The following DCLRE1C variants were observed in gnomAD, a reference collection of about 807,000 sequenced individuals.
DCLRE1C encodes protein artemis.
A neutral mutation model predicts 61.4 loss-of-function variants in DCLRE1C; 47 were observed. That is an observed-to-expected ratio of 0.77 (90% CI 0.61 to 0.98). DCLRE1C has a LOEUF of 0.98. DCLRE1C is among the 50% of genes least tolerant of loss of function. The probability of loss-of-function intolerance (pLI) is 0.00; values close to 1 mark genes in which losing one functional copy is unlikely to be tolerated. For synonymous variants in DCLRE1C, 337 were observed against 287.6 expected (o/e 1.17, Z -1.74); for missense variants, 858 against 816.0 (o/e 1.05, Z -0.63).
rs185211246 is a variant in DCLRE1C at position 14,906,187 on chromosome 10, C to G, written c.*2221G>C. 2.6e-5 allele frequency among the ~76,000 whole-genome samples: 4 copies of G among 152,290 alleles called. No individual in the cohort carries two copies. Among genetic ancestry groups the G allele is most frequent in the Admixed American group, 2.0e-4 (3 of 15,306 alleles). On this transcript the variant is annotated 3_prime_UTR_variant, in exon 14 of 14. Transcript: ENST00000378278. The stretch of plus-strand genomic sequence containing the variant: ...GCCTCATAGCTATGTGAACTAACCT[C>G]TGTGCCTTTGTCTCATTTGTACATG...
At chr10:14,926,717 A>C in intron 11 of DCLRE1C, 126 bp downstream of exon 11, 2 of 783,710 alleles carry the variant, frequency 2.6e-6, no homozygotes, top group Admixed American at 2.6e-5. Flanking sequence ...TAGGAAAAAA[A>C]AACTAAAAGG....
chr10:14,949,155 G>A (rs1179278370), intron 1 of DCLRE1C, 68 bp from the exon 2 acceptor site: 4 of 1,109,834 alleles, frequency 3.6e-6, no homozygotes, highest in Non-Finnish European at 4.1e-6. Flanking sequence ...AAGGGAAACA[G>A]TCGTCTTCTT....
intron 12 of DCLRE1C, chr10:14,920,325 C>T (rs1313073755): frequency 1.1e-6 from 1 of 951,296 alleles, no homozygotes; most frequent in Non-Finnish European, 1.3e-6. Context: ...AAAGCTAAGA[C>T]AAAGTGGAGA....
intron 11 of DCLRE1C, among the ~76,000 whole-genome samples, chr10:14,926,286 A>G (rs1390261776): frequency 6.6e-6 from 1 of 152,152 alleles, no homozygotes; most frequent in Non-Finnish European, 1.5e-5. Flanking sequence ...CAAGTCCACA[A>G]AGGATCACAA....
At position 14,909,275 on chromosome 10, in the gene DCLRE1C, T is replaced by A. The variant is rs1338760482; in HGVS notation, c.1212A>T (p.Lys404Asn). Residue 404 changes from lysine (K) to asparagine (N), a missense_variant, in exon 14 of 14, where the codon AAA (lysine) becomes AAT (asparagine). By Grantham distance (94) the Lys-to-Asn change is moderately conservative. Coordinates refer to ENST00000378278, the MANE Select transcript of DCLRE1C (RefSeq NM_001033855.3). ...DDPLPIPLRH[K>N]VPYPETFHPE... ...GGTGAAAAGTTTCCGGGTATGGAACTTTGTGCCTTAAAGGTATTGGCAGAG... is the reference window on the plus strand; with the variant it reads ...GGTGAAAAGTTTCCGGGTATGGAACATTGTGCCTTAAAGGTATTGGCAGAG... The A allele has an allele frequency of 6.2e-7, 1 of 1,613,858 alleles. No homozygotes were observed. Among genetic ancestry groups the A allele is most frequent in the East Asian group, 2.2e-5 (1 of 44,878 alleles).
intron 13 of DCLRE1C, among the ~76,000 whole-genome samples, chr10:14,911,901 C>T (rs1289794569): frequency 6.6e-6 from 1 of 152,178 alleles, no homozygotes; most frequent in Admixed American, 6.5e-5. Context: ...TACCACCATA[C>T]ACTAGGATGG....
rs1457093195 is a variant in DCLRE1C at position 14,952,476 on chromosome 10, T to TA, written c.109+1425dup. 1.2e-4 allele frequency among the ~76,000 whole-genome samples: 19 copies of TA among 152,158 alleles called. 1 individual carries two copies. The highest frequency in any genetic ancestry group is 1.0e-3 in the Admixed American group (16 of 15,268). ...GGTGGTGCGTGCCTGTAACTCCAGC[T>TA]ACTTGGGAGGCTGAGGCACGAGAAT... On this transcript the variant is annotated intron_variant, in intron 1 of 13. Coordinates refer to ENST00000378278, the MANE Select transcript of DCLRE1C (RefSeq NM_001033855.3).
rs1424792478 is a variant in DCLRE1C at position 14,928,115 on chromosome 10, C to T, written c.818G>A (p.Gly273Glu). ...TGGAATTCTATTTCTGGAAGTAATTCCACAGGGTAATTTGCTCCACTGAAA... is the reference window on the plus strand; with the variant it reads ...TGGAATTCTATTTCTGGAAGTAATTTCACAGGGTAATTTGCTCCACTGAAA... ...EYFQWSKLPCGITSRNRIPLH... is the reference protein window; with the variant it reads ...EYFQWSKLPCEITSRNRIPLH... The change falls in exon 10 of 14, where the codon GGA becomes GAA. Residue 273 changes from glycine to glutamate, a missense_variant. Transcript: ENST00000378278. The T allele has an allele frequency of 1.2e-6, 2 of 1,613,346 alleles. No individual in the cohort carries two copies. Among genetic ancestry groups the T allele is most frequent in the African/African-American group, 2.7e-5 (2 of 74,806 alleles).
chr10:14,908,072 G>T lies in DCLRE1C; in HGVS notation c.*336C>A, dbSNP rs2131762398. On this transcript the variant is annotated 3_prime_UTR_variant, in exon 14 of 14. Transcript: ENST00000378278. ...TCTTGCTCTGTCACCCAGACTAGAGGTGCAGTGGCACAGTCATGGCTCACT... is the reference window on the plus strand; with the variant it reads ...TCTTGCTCTGTCACCCAGACTAGAGTTGCAGTGGCACAGTCATGGCTCACT... 4.0e-6 allele frequency: 1 copy of T among 250,688 alleles called. No homozygotes were observed. Among genetic ancestry groups the T allele is most frequent in the East Asian group, 1.2e-4 (1 of 8,598 alleles). 15.5% of individuals were successfully genotyped at this position (250,688 alleles called of 1,614,324 possible). A position where few individuals can be genotyped will look rare whatever the true frequency, so the allele number is the denominator to read the frequency against.
upstream of DCLRE1C, chr10:14,954,160 G>A (rs575909689): frequency 5.9e-6 from 8 of 1,363,554 alleles, no homozygotes; most frequent in East Asian, 9.9e-5. Context: ...TCCGGAGACC[G>A]GGGGCAAAGT....
chr10:14,940,940 T>C (rs1446318852), intron 3 of DCLRE1C, among the ~76,000 whole-genome samples: 1 of 152,260 alleles, frequency 6.6e-6, no homozygotes, highest in Non-Finnish European at 1.5e-5. Flanking sequence ...TGGGGCGCAG[T>C]GGCACGATCT....
Position 14,922,334 on chromosome 10 carries a change from G to A in DCLRE1C, c.1061+647C>T, listed in dbSNP as rs41299670. Among the ~76,000 whole-genome samples, 220 of 152,024 alleles carry A rather than the reference G, an allele frequency of 1.4e-3. 1 individual carries two copies. In the East Asian group the frequency reaches 0.029, roughly 20 times the overall value. ...CATGCACCTGTAGTCACAGCTACTC[G>A]GGAGGCTGAGGCAGGAGAATCGTTT... On this transcript the variant is annotated intron_variant, in intron 12 of 13. Coordinates refer to ENST00000378278, the MANE Select transcript of DCLRE1C (RefSeq NM_001033855.3).
chr10:14,909,112 T>C lies in DCLRE1C; in HGVS notation c.1375A>G (p.Ser459Gly). The C allele has an allele frequency of 6.2e-7, 1 of 1,614,218 alleles. No individual in the cohort carries two copies. The highest frequency in any genetic ancestry group is 8.5e-7 in the Non-Finnish European group (1 of 1,180,048). ...FVDCEESNSE[S>G]EEEVGIPASL... is the part of the protein sequence containing the mutation. ...GCTGGGATTCCTACTTCTTCTTCAC[T>C]TTCACTGTTGGATTCTTCACAATCT... is the stretch of plus-strand genomic sequence containing the variant. Residue 459 changes from serine to glycine, a missense_variant, in exon 14 of 14, where the codon AGT becomes GGT. Coordinates refer to ENST00000378278, the MANE Select transcript of DCLRE1C (RefSeq NM_001033855.3).
chr10:14,947,482 C>G (rs1841872729), intron 2 of DCLRE1C: 1 of 152,208 alleles, frequency 6.6e-6, no homozygotes, highest in African/African-American at 2.4e-5. Context: ...ATTTGTTACG[C>G]AGCAGCAGAT....
rs373928577 is a variant in DCLRE1C at position 14,906,357 on chromosome 10, G to A, written c.*2051C>T. Among the ~76,000 whole-genome samples, 1 of 152,172 alleles carries A rather than the reference G, an allele frequency of 6.6e-6. No individual in the cohort carries two copies. Among genetic ancestry groups the A allele is most frequent in the East Asian group, 1.9e-4 (1 of 5,204 alleles). ...TATCGGTTTCTTGATCACATCTGTTGTAGTTGTCTTAGCCCAATTCATTCA... is the reference window on the plus strand; with the variant it reads ...TATCGGTTTCTTGATCACATCTGTTATAGTTGTCTTAGCCCAATTCATTCA... On this transcript the variant is annotated 3_prime_UTR_variant, in exon 14 of 14. Coordinates refer to ENST00000378278, the MANE Select transcript of DCLRE1C (RefSeq NM_001033855.3).
At chr10:14,899,512 AAT>A in intron 13 of DCLRE1C, 2 of 1,612,284 alleles carry the variant, frequency 1.2e-6, no homozygotes, top group Non-Finnish European at 1.7e-6. Context: ...GTAGCTACGT[AAT>A]ATACTTACAG....
At chr10:14,899,425 C>A (rs1564344891) in intron 13 of DCLRE1C, 1 of 1,148,192 alleles carries the variant, frequency 8.7e-7, no homozygotes, top group Admixed American at 2.2e-5. Flanking sequence ...TTTGATGACA[C>A]CTGAATTTCT....
At chr10:14,933,916 C>T (rs375262021) in intron 8 of DCLRE1C, among the ~76,000 whole-genome samples, 1 of 152,262 alleles carries the variant, frequency 6.6e-6, no homozygotes, top group East Asian at 1.9e-4. Context: ...AGAGGGCCCG[C>T]GAACCTCTGC....
rs553208404 is a variant in DCLRE1C at position 14,917,492 on chromosome 10, A to AC, written c.1156+2245_1156+2246insG. Among the ~76,000 whole-genome samples the AC allele has an allele frequency of 5.1e-3, 783 of 152,112 alleles. 4 individuals are homozygous for AC. Among genetic ancestry groups the AC allele is most frequent in the African/African-American group, 0.018 (742 of 41,526 alleles). ...TGTATACACCTGATATATTTAAAAA[A>AC]AAAAAACAAAAAAAACTTGTATCCA... On this transcript the variant is annotated intron_variant, in intron 13 of 13. Transcript: ENST00000378278.
Sources: gnomAD v4.1 joint callset for allele counts (sites outside exome capture counted in the v4.1 genomes callset) on GRCh38, gnomAD v4.1.1 for gene constraint, MANE v1.5 for transcripts, NCBI Gene and HGNC (gene_info 2026-07-23, HGNC 2026-07-21) for gene names.